The following SNTB1 variants were observed in gnomAD, a reference collection of about 807,000 sequenced individuals.
SNTB1 encodes the protein beta-1-syntrophin.
SNTB1 carries 36 observed loss-of-function variants against 48.9 expected under a neutral mutation model. The ratio of observed to expected loss-of-function variants is 0.74; its 90% CI spans 0.56 to 0.97. The LOEUF (loss-of-function observed/expected upper bound fraction) is 0.97, where lower values mean the gene tolerates loss of function less well. Among genes scored for constraint, SNTB1 ranks in the 50% least tolerant of loss-of-function variants. The pLI, the probability that SNTB1 is intolerant of heterozygous loss-of-function variation, is 0.00. For synonymous variants in SNTB1, 299 were observed against 294.6 expected (o/e 1.01, Z -0.15); for missense variants, 786 against 703.4 (o/e 1.12, Z -1.33).
intron 3 of SNTB1, among the ~76,000 whole-genome samples, chr8:120,608,622 A>T (rs555909442): frequency 2.5e-4 from 38 of 152,320 alleles, no homozygotes; most frequent in African/African-American, 8.9e-4. Flanking sequence ...AATTTCTGTT[A>T]TTTAACCCAC....
chr8:120,739,645 A>G (rs1219098198), intron 1 of SNTB1, among the ~76,000 whole-genome samples: 1 of 152,224 alleles, frequency 6.6e-6, no homozygotes. Flanking sequence ...AAGGGTCAGA[A>G]AAGTTCAGGG....
chr8:120,555,163 C>A (rs1403056309), intron 4 of SNTB1, among the ~76,000 whole-genome samples: 3 of 152,110 alleles, frequency 2.0e-5, no homozygotes, highest in Non-Finnish European at 2.9e-5. Context: ...CCAGGAATAT[C>A]CGGGGTTGTC....
At chr8:120,664,538 C>G (rs1402603253) in intron 2 of SNTB1, among the ~76,000 whole-genome samples, 1 of 152,068 alleles carries the variant, frequency 6.6e-6, no homozygotes, top group East Asian at 1.9e-4. Context: ...GTATGTCTTC[C>G]TTTTGTCTGG....
intron 4 of SNTB1, among the ~76,000 whole-genome samples, chr8:120,552,879 C>T (rs1488495003): frequency 1.3e-5 from 2 of 152,140 alleles, no homozygotes; most frequent in Admixed American, 1.3e-4. Flanking sequence ...TGTTTTACTG[C>T]AACTAGATGG....
intron 2 of SNTB1, among the ~76,000 whole-genome samples, chr8:120,660,903 G>A (rs1055279324): frequency 6.6e-6 from 1 of 152,118 alleles, no homozygotes; most frequent in Non-Finnish European, 1.5e-5. Context: ...GAGAGAGATG[G>A]GAGCAAGGGA....
intron 3 of SNTB1, among the ~76,000 whole-genome samples, chr8:120,590,295 A>G (rs923796102): frequency 2.6e-5 from 4 of 152,298 alleles, no homozygotes; most frequent in South Asian, 4.1e-4. Context: ...TGAATGATAC[A>G]TAGGTGGCCA....
chr8:120,692,811 C>T (rs986151228), intron 2 of SNTB1, among the ~76,000 whole-genome samples: 6 of 152,176 alleles, frequency 3.9e-5, no homozygotes, highest in African/African-American at 1.4e-4. Flanking sequence ...TTATTACTAT[C>T]TAACATTAAT....
At chr8:120,756,309 A>G (rs1336499427) in intron 1 of SNTB1, among the ~76,000 whole-genome samples, 3 of 152,188 alleles carry the variant, frequency 2.0e-5, no homozygotes, top group Non-Finnish European at 4.4e-5. Context: ...CATCTGTATC[A>G]ATGCCTAAAA....
chr8:120,746,285 G>C (rs1440374043), intron 1 of SNTB1, among the ~76,000 whole-genome samples: 1 of 151,964 alleles, frequency 6.6e-6, no homozygotes, highest in Non-Finnish European at 1.5e-5. Flanking sequence ...TCTTCCGTAT[G>C]ATTTTCTTAA....
At chr8:120,686,515 C>T (rs1035885116) in intron 2 of SNTB1, among the ~76,000 whole-genome samples, 16 of 152,020 alleles carry the variant, frequency 1.1e-4, no homozygotes, top group Admixed American at 2.0e-4. Flanking sequence ...GTATTAACCT[C>T]ATGACCTAAC....
chr8:120,563,362 TA>T (rs1815694988), intron 4 of SNTB1, among the ~76,000 whole-genome samples: 1 of 151,550 alleles, frequency 6.6e-6, no homozygotes, highest in Non-Finnish European at 1.5e-5. Flanking sequence ...CAAGGACTCA[TA>T]AAAAGCTGAG....
chr8:120,754,938 T>C (rs1819288454), intron 1 of SNTB1, among the ~76,000 whole-genome samples: 1 of 152,080 alleles, frequency 6.6e-6, no homozygotes, highest in Non-Finnish European at 1.5e-5. Context: ...AGCAGGAACA[T>C]TTAAAAAAGA....
intron 2 of SNTB1, among the ~76,000 whole-genome samples, chr8:120,690,228 G>A (rs1158223267): frequency 6.6e-6 from 1 of 151,938 alleles, no homozygotes; most frequent in Non-Finnish European, 1.5e-5. Flanking sequence ...TAGTATGTAT[G>A]TATAGGAAAA....
In SNTB1 at chr8:120,535,942, C is replaced by T. The variant is rs188656858; in HGVS notation, c.*2935G>A. 6.6e-6 allele frequency: 1 copy of T among 152,106 alleles called. No homozygotes were observed. Among genetic ancestry groups the T allele is most frequent in the Non-Finnish European group, 1.5e-5 (1 of 68,014 alleles). The allele number at this position is 152,106 out of a possible 1,614,324, so 9.4% of individuals were successfully genotyped here. On this transcript the variant is annotated 3_prime_UTR_variant, in exon 7 of 7. Transcript: ENST00000517992. ...AAACAGGGTCCAGAAAGGCCCTGCC[C>T]ATTAATTTTAAAACTTTCTGACCAT...
At chr8:120,753,795 T>A (rs1662510316) in intron 1 of SNTB1, among the ~76,000 whole-genome samples, 1 of 152,102 alleles carries the variant, frequency 6.6e-6, no homozygotes, top group Non-Finnish European at 1.5e-5. Context: ...ACATTTAACA[T>A]TTTAACCAGT....
At chr8:120,663,028 G>A (rs1817617164) in intron 2 of SNTB1, among the ~76,000 whole-genome samples, 1 of 145,918 alleles carries the variant, frequency 6.9e-6, no homozygotes, top group African/African-American at 2.5e-5. Context: ...GGCTGGTGGG[G>A]GGGGTATTTG....
intron 1 of SNTB1, among the ~76,000 whole-genome samples, chr8:120,728,623 G>A (rs1587119092): frequency 6.6e-6 from 1 of 152,214 alleles, no homozygotes; most frequent in East Asian, 1.9e-4. Flanking sequence ...AATTCACTTA[G>A]GATAATGGCC....
intron 5 of SNTB1, among the ~76,000 whole-genome samples, chr8:120,545,985 C>T (rs1312752418): frequency 6.6e-6 from 1 of 152,156 alleles, no homozygotes; most frequent in Non-Finnish European, 1.5e-5. Context: ...GAAACTAACA[C>T]ATTCAGTAAG....
intron 4 of SNTB1, among the ~76,000 whole-genome samples, chr8:120,566,705 G>A (rs1251250979): frequency 6.6e-6 from 1 of 152,106 alleles, no homozygotes; most frequent in Non-Finnish European, 1.5e-5. Context: ...GATGGACCGG[G>A]TCCCATCCCC....
Sources: gnomAD v4.1 joint callset for allele counts (sites outside exome capture counted in the v4.1 genomes callset) on GRCh38, gnomAD v4.1.1 for gene constraint, MANE v1.5 for transcripts, NCBI Gene and HGNC (gene_info 2026-07-23, HGNC 2026-07-21) for gene names.